The following UBR2 variants were observed in gnomAD, a reference collection of about 807,000 sequenced individuals.
UBR2 encodes ubiquitin protein ligase E3 component n-recognin 2.
UBR2 carries 92 observed loss-of-function variants against 247.9 expected under a neutral mutation model. That is an observed-to-expected ratio of 0.37 (90% confidence interval 0.31 to 0.44). The LOEUF (loss-of-function observed/expected upper bound fraction) is 0.44, where lower values mean the gene tolerates loss of function less well. UBR2 is among the 20% of genes least tolerant of loss of function. The pLI is 1.00. For missense variants in UBR2, 1,613 were observed against 2,112.6 expected (o/e 0.76, Z 4.64); for synonymous variants, 672 against 693.5 (o/e 0.97, Z 0.49).
At position 42,678,633 on chromosome 6, in the gene UBR2, T is replaced by G; in HGVS notation, c.4573T>G (p.Tyr1525Asp). The G allele has an allele frequency of 1.2e-6, 2 of 1,613,046 alleles. No homozygotes were observed. The highest frequency in any genetic ancestry group is 1.7e-6 in the Non-Finnish European group (2 of 1,179,516). ...FLKCSALFFHYLNGVPSPPDI... is the reference protein window; with the variant it reads ...FLKCSALFFHDLNGVPSPPDI... ...GAAGTGTTCTGCTTTATTTTTTCAT[T>G]ACTTAAATGGAGTTCCTTCCCCACC... The change falls in exon 41 of 47, where the codon TAC (tyrosine) becomes GAC (aspartate). Residue 1525 changes from tyrosine to aspartate, a missense_variant. Physicochemically the swap from Tyr to Asp is radical, Grantham distance 160 (BLOSUM62 -3). Transcript: ENST00000372901.
intron 2 of UBR2, among the ~76,000 whole-genome samples, chr6:42,575,154 G>A (rs1185402225): frequency 6.6e-6 from 1 of 152,118 alleles, no homozygotes; most frequent in African/African-American, 2.4e-5. Flanking sequence ...AGCTTATGTA[G>A]CTAGATAATA....
chr6:42,671,321 G>T (rs1341549639), intron 36 of UBR2, among the ~76,000 whole-genome samples: 1 of 151,630 alleles, frequency 6.6e-6, no homozygotes, highest in African/African-American at 2.4e-5. Context: ...GAGTTGGGAA[G>T]ATCACTGGAG....
chr6:42,644,160 G>A, intron 18 of UBR2, 54 bp from the exon 19 acceptor site: 1 of 1,547,142 alleles, frequency 6.5e-7, no homozygotes, highest in Non-Finnish European at 8.7e-7. Flanking sequence ...TTCAATAGTG[G>A]CCCCTTTGAC....
At chr6:42,609,309 G>A (rs966216467) in intron 7 of UBR2, among the ~76,000 whole-genome samples, 5 of 152,102 alleles carry the variant, frequency 3.3e-5, no homozygotes, top group Non-Finnish European at 5.9e-5. Context: ...AGACAGAGAC[G>A]ATGAATGCCC....
intron 4 of UBR2, among the ~76,000 whole-genome samples, chr6:42,599,769 G>A (rs1050966608): frequency 6.6e-6 from 1 of 151,916 alleles, no homozygotes; most frequent in African/African-American, 2.4e-5. Flanking sequence ...TCCCCCTTCA[G>A]CCTCCCCAGT....
chr6:42,632,792 T>C lies in UBR2; in HGVS notation c.1446-13T>C, dbSNP rs1795828885. On this transcript the variant is annotated splice_polypyrimidine_tract_variant and intron_variant, in intron 12 of 46. Transcript: ENST00000372901. ...TTTATGTTAATTGCCACTGTCACTTTTATCTTGTTCAGGTATGTGTTAATT... is the reference window on the plus strand; with the variant it reads ...TTTATGTTAATTGCCACTGTCACTTCTATCTTGTTCAGGTATGTGTTAATT... 1 of 1,595,504 alleles carries C rather than the reference T, an allele frequency of 6.3e-7. No individual in the cohort carries two copies. The highest frequency in any genetic ancestry group is 1.4e-5 in the African/African-American group (1 of 73,820).
chr6:42,686,511 CTT>C (rs1475038042), intron 44 of UBR2, among the ~76,000 whole-genome samples: 1 of 152,128 alleles, frequency 6.6e-6, no homozygotes, highest in African/African-American at 2.4e-5. Flanking sequence ...TCTGATCTCT[CTT>C]TCTTTTCCCC....
chr6:42,614,927 A>G (rs1794442536), intron 8 of UBR2, 144 bp from the exon 9 acceptor site: 2 of 562,858 alleles, frequency 3.6e-6, no homozygotes, highest in Non-Finnish European at 5.9e-6. Context: ...TTAATAAAAC[A>G]GTTAATATGT....
intron 26 of UBR2, 112 bp downstream of exon 26, chr6:42,655,835 C>T (rs990348998): frequency 6.5e-6 from 4 of 614,786 alleles, no homozygotes; most frequent in Non-Finnish European, 7.8e-6. Flanking sequence ...ATATTTAATC[C>T]AAACATTTGA....
In UBR2 at chr6:42,592,243, AAAT is replaced by A. The variant is rs779837943; in HGVS notation, c.417+20_417+22del. ...CATCGATATAGGGTTAGTAATGTCC[AAAT>A]AATAACCATGCGCAGTATTGCATTT... On this transcript the variant is annotated intron_variant, in intron 3 of 46. Coordinates refer to ENST00000372901, the MANE Select transcript of UBR2 (RefSeq NM_001363705.2). 1.3e-6 allele frequency: 2 copies of A among 1,527,238 alleles called. No individual in the cohort carries two copies. The highest frequency in any genetic ancestry group is 2.5e-5 in the South Asian group (2 of 79,138). 94.6% of individuals were successfully genotyped at this position (1,527,238 alleles called of 1,614,324 possible).
chr6:42,600,708 C>T (rs1793307681), intron 4 of UBR2, among the ~76,000 whole-genome samples: 1 of 151,428 alleles, frequency 6.6e-6, no homozygotes, highest in African/African-American at 2.4e-5. Context: ...TTTCTGTTGC[C>T]CAGGCTTGGA....
intron 32 of UBR2, among the ~76,000 whole-genome samples, chr6:42,663,920 A>G (rs1797965451): frequency 6.6e-6 from 1 of 152,202 alleles, no homozygotes; most frequent in African/African-American, 2.4e-5. Flanking sequence ...GCACTTTGAG[A>G]GGCCAAGATG....
chr6:42,687,449 G>T (rs184408322), intron 44 of UBR2, among the ~76,000 whole-genome samples: 8 of 152,224 alleles, frequency 5.3e-5, no homozygotes, highest in African/African-American at 1.7e-4. Flanking sequence ...GTCCAGCCTC[G>T]GCTCGGCATC....
intron 15 of UBR2, among the ~76,000 whole-genome samples, chr6:42,638,493 C>A (rs999642334): frequency 6.6e-6 from 1 of 152,156 alleles, no homozygotes; most frequent in Non-Finnish European, 1.5e-5. Context: ...TATTCCTAGA[C>A]ATATGAATAT....
At chr6:42,565,389 A>C (rs1293917476) in intron 1 of UBR2, among the ~76,000 whole-genome samples, 1 of 152,176 alleles carries the variant, frequency 6.6e-6, no homozygotes. Context: ...GCTACGAACA[A>C]AATTTGGGAT....
At chr6:42,640,503 G>T (rs1401698543) in intron 16 of UBR2, among the ~76,000 whole-genome samples, 1 of 151,752 alleles carries the variant, frequency 6.6e-6, no homozygotes. Context: ...AAATTGTGGG[G>T]GCTGAAATCT....
rs201397322 is a variant in UBR2 at position 42,640,399 on chromosome 6, T to G, written c.1920+129T>G. ...AACCAGTAAGGTGTGTGTGTGTGTG[T>G]GTGTGTGTGTGTGTGTGTGTGTGTG... On this transcript the variant is annotated intron_variant, in intron 16 of 46. Transcript: ENST00000372901. 2.9e-4 allele frequency: 55 copies of G among 190,016 alleles called. No homozygotes were observed. Among genetic ancestry groups the G allele is most frequent in the Middle Eastern group, 1.2e-3 (1 of 834 alleles). The allele number at this position is 190,016 out of a possible 1,614,324, so 11.8% of individuals were successfully genotyped here.
rs145259532 is a variant in UBR2, at chr6:42,601,603, G to A, written c.532-1985G>A. On this transcript the variant is annotated intron_variant, in intron 4 of 46. Transcript: ENST00000372901. ...CTCAGGAGGCTGAGGCAGGAGAATCGCTTGAACCCGGGAGGCGGACGTTAC... is the reference window on the plus strand; with the variant it reads ...CTCAGGAGGCTGAGGCAGGAGAATCACTTGAACCCGGGAGGCGGACGTTAC... Among the ~76,000 whole-genome samples, 101 of 150,238 alleles carry A rather than the reference G, an allele frequency of 6.7e-4. 2 individuals carry two copies. The East Asian group carries it at 0.019, about 29-fold the overall frequency.
At position 42,564,417 on chromosome 6, in the gene UBR2, C is replaced by T. The variant is rs377396531; in HGVS notation, c.78+20C>T. ...GCGGGGGTGAGTGCCGGAACCCGGG[C>T]GGGTGCGTCTGCCCCTCGCAGGCCG... On this transcript the variant is annotated intron_variant, in intron 1 of 46. Coordinates refer to ENST00000372901, the MANE Select transcript of UBR2 (RefSeq NM_001363705.2). The T allele has an allele frequency of 3.7e-6, 6 of 1,603,218 alleles. No individual in the cohort carries two copies. Among genetic ancestry groups the T allele is most frequent in the South Asian group, 2.2e-5 (2 of 89,276 alleles).
Sources: gnomAD v4.1 joint callset for allele counts (sites outside exome capture counted in the v4.1 genomes callset) on GRCh38, gnomAD v4.1.1 for gene constraint, MANE v1.5 for transcripts, NCBI Gene and HGNC (gene_info 2026-07-23, HGNC 2026-07-21) for gene names.